Variants in HNRNPLL observed in about 807,000 individuals in gnomAD.
HNRNPLL encodes heterogeneous nuclear ribonucleoprotein L-like.
HNRNPLL carries 25 observed loss-of-function variants against 67.1 expected under a neutral mutation model. The observed-to-expected ratio is 0.37, with a 90% CI of 0.27 to 0.52. The LOEUF is 0.52. HNRNPLL is among the 20% of genes least tolerant of loss of function. HNRNPLL has a pLI of 0.90. For synonymous variants in HNRNPLL, 267 were observed against 241.7 expected (o/e 1.10, Z -0.97); for missense variants, 542 against 673.9 (o/e 0.80, Z 2.17).
At chr2:38,575,678 T>G (rs1666272875) in intron 7 of HNRNPLL, among the ~76,000 whole-genome samples, 2 of 151,860 alleles carry the variant, frequency 1.3e-5, no homozygotes, top group South Asian at 4.1e-4. Flanking sequence ...TTCTATTCCC[T>G]TTCTTATAGT....
rs1475532619 is a variant in HNRNPLL at position 38,563,346 on chromosome 2, A to G, written c.*836T>C. On this transcript the variant is annotated 3_prime_UTR_variant, in exon 13 of 13. Transcript: ENST00000449105. ...TAAAAATGTAAATATCCAAAATTCT[A>G]CATACAATTTTAGGGGGTACACAGA... 2 of 152,114 alleles carry G rather than the reference A, an allele frequency of 1.3e-5. No homozygotes were observed. Among genetic ancestry groups the G allele is most frequent in the Admixed American group, 1.3e-4 (2 of 15,272 alleles). 9.4% of individuals were successfully genotyped at this position (152,114 alleles called of 1,614,324 possible). A position where few individuals can be genotyped will look rare whatever the true frequency, so the allele number is the denominator to read the frequency against.
chr2:38,564,886 G>T (rs1264088177), intron 12 of HNRNPLL, among the ~76,000 whole-genome samples: 1 of 151,524 alleles, frequency 6.6e-6, no homozygotes, highest in Non-Finnish European at 1.5e-5. Context: ...AGCTTGGGAA[G>T]TAGGTCAAAG....
At chr2:38,573,466 T>C (rs778037372) in intron 7 of HNRNPLL, 39 bp from the exon 8 acceptor site, 11 of 1,298,970 alleles carry the variant, frequency 8.5e-6, no homozygotes, top group Non-Finnish European at 1.2e-5. Context: ...AGTTAACATA[T>C]ACACATAGTT....
In HNRNPLL at chr2:38,570,536, G is replaced by A. The variant is rs1170728997; in HGVS notation, c.1093-611C>T. Among the ~76,000 whole-genome samples the A allele has an allele frequency of 3.3e-5, 5 of 152,302 alleles. No homozygotes were observed. In the East Asian group the frequency reaches 5.8e-4, roughly 18 times the overall value. ...GCTTGTGCAACATAGGGGGATACAC[G>A]TTATTTCAGGACAGTTTGGGCAGAG... On this transcript the variant is annotated intron_variant, in intron 8 of 12. Transcript: ENST00000449105.
chr2:38,588,018 G>A (rs1354202247), intron 2 of HNRNPLL, among the ~76,000 whole-genome samples: 1 of 151,796 alleles, frequency 6.6e-6, no homozygotes, highest in Non-Finnish European at 1.5e-5. Context: ...AAAGATGTGC[G>A]TACTTCCCCT....
rs1442446191 is a variant in HNRNPLL, at chr2:38,582,005, T to C, written c.730-20A>G. The C allele has an allele frequency of 1.9e-6, 3 of 1,606,624 alleles. No individual in the cohort carries two copies. Among genetic ancestry groups the C allele is most frequent in the Admixed American group, 1.7e-5 (1 of 59,974 alleles). ...AGTTGGCTGTTAAGATTGAAAATAATGTAAGTTCAAACTGCATATCCAAAG... is the reference window on the plus strand; with the variant it reads ...AGTTGGCTGTTAAGATTGAAAATAACGTAAGTTCAAACTGCATATCCAAAG... On this transcript the variant is annotated intron_variant, in intron 5 of 12. Coordinates refer to ENST00000449105, the MANE Select transcript of HNRNPLL (RefSeq NM_138394.4).
In HNRNPLL at chr2:38,568,044, A is replaced by G. The variant is rs139260034; in HGVS notation, c.1573+155T>C. 77 of 565,140 alleles carry G rather than the reference A, an allele frequency of 1.4e-4. No individual in the cohort carries two copies. In the East Asian group the frequency reaches 2.3e-3, roughly 17 times the overall value. 35.0% of individuals were successfully genotyped at this position (565,140 alleles called of 1,614,324 possible). The stretch of plus-strand genomic sequence containing the variant: ...TTATGGCAATTTGTTATACAGCAAT[A>G]GATAACTAATACAGGAATTAATATG... On this transcript the variant is annotated intron_variant, in intron 12 of 12. Transcript: ENST00000449105.
intron 10 of HNRNPLL, among the ~76,000 whole-genome samples, 195 bp downstream of exon 10, chr2:38,568,938 A>G (rs967440367): frequency 1.3e-5 from 2 of 152,196 alleles, no homozygotes; most frequent in Non-Finnish European, 2.9e-5. Context: ...TGAGCCACAA[A>G]TCAACGAAGC....
intron 12 of HNRNPLL, among the ~76,000 whole-genome samples, chr2:38,567,177 C>T (rs955541316): frequency 2.6e-5 from 4 of 152,168 alleles, no homozygotes; most frequent in Admixed American, 6.5e-5. Context: ...GATCTCGTCT[C>T]ACTGCAACCT....
intron 1 of HNRNPLL, among the ~76,000 whole-genome samples, chr2:38,601,400 G>A (rs1334311814): frequency 6.6e-6 from 1 of 152,058 alleles, no homozygotes; most frequent in Admixed American, 6.5e-5. Flanking sequence ...CTAATAGTAG[G>A]ATATATGTGT....
intron 1 of HNRNPLL, among the ~76,000 whole-genome samples, chr2:38,600,447 C>T (rs913917530): frequency 2.6e-5 from 4 of 152,118 alleles, no homozygotes; most frequent in African/African-American, 7.2e-5. Flanking sequence ...TATGCTAAGA[C>T]CAGGTGCGGT....
intron 8 of HNRNPLL, among the ~76,000 whole-genome samples, chr2:38,572,096 A>G (rs543493973): frequency 7.2e-5 from 11 of 152,316 alleles, no homozygotes; most frequent in African/African-American, 2.6e-4. Context: ...TGGGCCTAAG[A>G]TAGTGTCTGT....
chr2:38,572,144 CCCATGTATTCTTGCCCAGTT>C (rs1553367018), intron 8 of HNRNPLL, among the ~76,000 whole-genome samples: 1 of 152,160 alleles, frequency 6.6e-6, no homozygotes, highest in Non-Finnish European at 1.5e-5. Flanking sequence ...CTAAACCTAT[CCCATGTATTCTTGCCCAGTT>C]ACACAAGTAT....
At chr2:38,601,015 G>A (rs1346537337) in intron 1 of HNRNPLL, among the ~76,000 whole-genome samples, 1 of 152,146 alleles carries the variant, frequency 6.6e-6, no homozygotes, top group Non-Finnish European at 1.5e-5. Context: ...TTCTAGCAAC[G>A]AGGTACACTG....
chr2:38,585,599 C>T (rs766016678), intron 3 of HNRNPLL, 45 bp downstream of exon 3: 1 of 1,266,722 alleles, frequency 7.9e-7, no homozygotes, highest in South Asian at 1.2e-5. Flanking sequence ...TGGAGGCAAA[C>T]TGCAAAATCA....
intron 2 of HNRNPLL, among the ~76,000 whole-genome samples, chr2:38,591,226 G>C (rs1572456585): frequency 6.6e-6 from 1 of 152,292 alleles, no homozygotes; most frequent in Middle Eastern, 3.4e-3. Flanking sequence ...AAGAGTGTTT[G>C]AACAGGACTC....
At chr2:38,566,821 T>TA (rs1215797549) in intron 12 of HNRNPLL, among the ~76,000 whole-genome samples, 3,675 of 135,532 alleles carry the variant, frequency 0.027, 151 homozygotes, top group African/African-American at 0.092. Context: ...TTGTCTCTAT[T>TA]AAAAAAAAAA....
intron 1 of HNRNPLL, among the ~76,000 whole-genome samples, chr2:38,592,980 G>C (rs1457600549): frequency 6.6e-6 from 1 of 152,004 alleles, no homozygotes; most frequent in African/African-American, 2.4e-5. Context: ...ATAACAAATG[G>C]AGTGCCCTGC....
At chr2:38,591,793 T>G (rs1369119513) in intron 1 of HNRNPLL, 145 bp from the exon 2 acceptor site, 1 of 501,232 alleles carries the variant, frequency 2.0e-6, no homozygotes, top group East Asian at 3.7e-5. Flanking sequence ...CTGGCCAACA[T>G]GGTGAAACCC....
Sources: allele counts gnomAD v4.1 joint callset (sites outside exome capture counted in the v4.1 genomes callset), GRCh38; gene constraint gnomAD v4.1.1; transcripts MANE v1.5; gene names NCBI Gene and HGNC (gene_info 2026-07-23, HGNC 2026-07-21).